Variants in TYW1B observed in about 807,000 individuals in gnomAD.
TYW1B encodes the protein S-adenosyl-L-methionine-dependent tRNA 4-demethylwyosine synthase TYW1B.
TYW1B carries 73 observed loss-of-function variants against 86.9 expected under a neutral mutation model. That is an observed-to-expected ratio of 0.84 (90% CI 0.70 to 1.02). The LOEUF is 1.02. TYW1B is among the 50% of genes least tolerant of loss of function. The pLI, the probability that TYW1B is intolerant of heterozygous loss-of-function variation, is 0.00. For synonymous variants in TYW1B, 248 were observed against 292.8 expected (o/e 0.85, Z 1.56); for missense variants, 637 against 827.4 (o/e 0.77, Z 2.82).
chr7:72,776,116 C>T (rs1787949846), intron 7 of TYW1B, among the ~76,000 whole-genome samples: 2 of 151,944 alleles, frequency 1.3e-5, no homozygotes, highest in African/African-American at 2.4e-5. Context: ...CACTGCACTC[C>T]AGCCTAGGCA....
At chr7:72,773,099 T>C (rs1345557970) in intron 7 of TYW1B, among the ~76,000 whole-genome samples, 1 of 152,192 alleles carries the variant, frequency 6.6e-6, no homozygotes, top group Admixed American at 6.5e-5. Context: ...CATACTATCA[T>C]AGAAATCATC....
At chr7:72,623,502 T>C (rs550880460) in intron 12 of TYW1B, among the ~76,000 whole-genome samples, 1 of 152,190 alleles carries the variant, frequency 6.6e-6, no homozygotes, top group South Asian at 2.1e-4. Context: ...TGTCCGTGGG[T>C]AAGTTTTTCC....
At chr7:72,580,619 G>A (rs1811130684) in intron 13 of TYW1B, among the ~76,000 whole-genome samples, 1 of 152,074 alleles carries the variant, frequency 6.6e-6, no homozygotes, top group Non-Finnish European at 1.5e-5. Flanking sequence ...CTGTACAAAG[G>A]GGCCTTGTTC....
At chr7:72,767,969 G>A (rs1442559174) in intron 7 of TYW1B, among the ~76,000 whole-genome samples, 1 of 152,144 alleles carries the variant, frequency 6.6e-6, no homozygotes, top group Non-Finnish European at 1.5e-5. Context: ...TACATATGGG[G>A]CCAGGCACAG....
chr7:72,764,375 C>T (rs782636179), intron 7 of TYW1B, among the ~76,000 whole-genome samples: 9 of 152,168 alleles, frequency 5.9e-5, no homozygotes, highest in African/African-American at 9.7e-5. Flanking sequence ...CTCCGCCTCC[C>T]GGGTTTGAGC....
intron 10 of TYW1B, among the ~76,000 whole-genome samples, chr7:72,709,964 G>A (rs555293070): frequency 7.4e-4 from 112 of 152,246 alleles, no homozygotes; most frequent in South Asian, 2.1e-3. Context: ...ACATCTTGTC[G>A]TATTCCACGA....
At chr7:72,825,958 C>A (rs1788922236) in intron 2 of TYW1B, among the ~76,000 whole-genome samples, 1 of 152,140 alleles carries the variant, frequency 6.6e-6, no homozygotes, top group East Asian at 1.9e-4. Flanking sequence ...GGGGAAAAGG[C>A]TGGGAGAAAG....
chr7:72,801,956 C>G (rs1463216973), intron 6 of TYW1B, among the ~76,000 whole-genome samples: 8 of 152,166 alleles, frequency 5.3e-5, no homozygotes, highest in African/African-American at 1.9e-4. Flanking sequence ...TTCTAACCAT[C>G]TACAACAAGC....
At chr7:72,601,924 A>G (rs1563025538) in intron 13 of TYW1B, among the ~76,000 whole-genome samples, 2 of 152,184 alleles carry the variant, frequency 1.3e-5, no homozygotes, top group Non-Finnish European at 2.9e-5. Flanking sequence ...GAGGAAGTGC[A>G]GGGGCATTTT....
At chr7:72,761,141 T>C (rs1787679333) in intron 7 of TYW1B, among the ~76,000 whole-genome samples, 1 of 152,186 alleles carries the variant, frequency 6.6e-6, no homozygotes, top group East Asian at 1.9e-4. Flanking sequence ...TAAAGTTATG[T>C]TCAATTAAAT....
At chr7:72,621,686 G>T (rs1812221630) in intron 12 of TYW1B, among the ~76,000 whole-genome samples, 1 of 152,188 alleles carries the variant, frequency 6.6e-6, no homozygotes. Flanking sequence ...GCTGTGCCTT[G>T]CTCTTCTTGG....
At chr7:72,676,274 A>G (rs1813733054) in intron 11 of TYW1B, among the ~76,000 whole-genome samples, 1 of 152,230 alleles carries the variant, frequency 6.6e-6, no homozygotes, top group South Asian at 2.1e-4. Context: ...TACGACTCAT[A>G]TAAAAGGTAT....
intron 11 of TYW1B, among the ~76,000 whole-genome samples, chr7:72,683,849 G>A (rs1554448808): frequency 6.6e-6 from 1 of 152,140 alleles, no homozygotes; most frequent in Admixed American, 6.5e-5. Flanking sequence ...AAAGTACACA[G>A]CACACAAGAA....
At chr7:72,783,426 A>G (rs1428758642) in intron 6 of TYW1B, among the ~76,000 whole-genome samples, 3 of 151,560 alleles carry the variant, frequency 2.0e-5, no homozygotes, top group Non-Finnish European at 2.9e-5. Flanking sequence ...GTTTAATTAT[A>G]CATGAAGTAG....
At chr7:72,684,452 A>G (rs1402062690) in intron 11 of TYW1B, among the ~76,000 whole-genome samples, 2 of 152,062 alleles carry the variant, frequency 1.3e-5, no homozygotes, top group African/African-American at 4.8e-5. Context: ...AAAAATCACC[A>G]CCTAGAATCT....
At chr7:72,665,683 T>C (rs1484030954) in intron 11 of TYW1B, among the ~76,000 whole-genome samples, 12 of 152,338 alleles carry the variant, frequency 7.9e-5, no homozygotes, top group African/African-American at 2.9e-4. Flanking sequence ...TCTTGCTCCA[T>C]TGTGTTCAGT....
intron 13 of TYW1B, among the ~76,000 whole-genome samples, chr7:72,614,631 T>A (rs1291935360): frequency 2.1e-5 from 3 of 141,650 alleles, no homozygotes; most frequent in Non-Finnish European, 4.6e-5. Context: ...AGACTCCATC[T>A]TAAAAAAAAA....
At chr7:72,710,454 A>G (rs1786627437) in intron 10 of TYW1B, among the ~76,000 whole-genome samples, 1 of 152,234 alleles carries the variant, frequency 6.6e-6, no homozygotes, top group African/African-American at 2.4e-5. Flanking sequence ...TAGCTTAGTT[A>G]TCTTTATGAC....
intron 11 of TYW1B, among the ~76,000 whole-genome samples, chr7:72,633,744 G>C (rs1812600830): frequency 2.0e-5 from 3 of 151,784 alleles, no homozygotes; most frequent in African/African-American, 7.3e-5. Context: ...CCATGTTTAG[G>C]TTTGTTCATT....
Sources: allele counts gnomAD v4.1 joint callset (sites outside exome capture counted in the v4.1 genomes callset), GRCh38; gene constraint gnomAD v4.1.1; transcripts MANE v1.5; gene names NCBI Gene and HGNC (gene_info 2026-07-23, HGNC 2026-07-21).